PDE4D: variants seen among roughly 807,000 people sequenced by gnomAD.
PDE4D encodes the protein 3',5'-cyclic-AMP phosphodiesterase 4D.
Under a neutral mutation model 87.4 loss-of-function variants are expected in PDE4D, and 24 were observed. The observed-to-expected ratio is 0.27, with a 90% CI of 0.20 to 0.39. The LOEUF is 0.39. PDE4D is among the 10% of genes least tolerant of loss of function. The pLI is 1.00. For synonymous variants in PDE4D, 384 were observed against 383.2 expected (o/e 1.00, Z -0.02); for missense variants, 714 against 1,041.0 (o/e 0.69, Z 4.32).
intron 1 of PDE4D, among the ~76,000 whole-genome samples, chr5:59,704,996 T>A (rs745420296): frequency 5.7e-4 from 87 of 152,186 alleles, no homozygotes; most frequent in Middle Eastern, 3.2e-3. Context: ...AGCCTTCCCT[T>A]ATTTACAAAA....
At chr5:59,053,357 GTACA>G (rs1167700433) in intron 5 of PDE4D, among the ~76,000 whole-genome samples, 8 of 117,592 alleles carry the variant, frequency 6.8e-5, no homozygotes, top group Non-Finnish European at 1.2e-4. Flanking sequence ...CATAATGGGT[GTACA>G]TACACACACA....
intron 1 of PDE4D, among the ~76,000 whole-genome samples, chr5:59,287,288 G>A (rs567632710): frequency 6.6e-6 from 1 of 152,266 alleles, no homozygotes; most frequent in East Asian, 1.9e-4. Flanking sequence ...ACTTGTCGCA[G>A]GCCTGGGGCA....
intron 5 of PDE4D, among the ~76,000 whole-genome samples, chr5:59,093,701 T>TTG (rs202014501): frequency 6.6e-6 from 1 of 152,152 alleles, no homozygotes. Flanking sequence ...TTGCTTTGTT[T>TTG]TGTGTGTGTG....
chr5:60,479,309 G>A (rs27220), intron 1 of PDE4D, among the ~76,000 whole-genome samples: 66,968 of 152,052 alleles, frequency 0.44, 16,103 homozygotes, highest in African/African-American at 0.63. Flanking sequence ...ATCATGTTAT[G>A]TACTGATCAC....
intron 1 of PDE4D, among the ~76,000 whole-genome samples, chr5:60,300,147 C>T (rs1360442747): frequency 6.6e-6 from 1 of 152,014 alleles, no homozygotes; most frequent in African/African-American, 2.4e-5. Flanking sequence ...TCTCTAATGA[C>T]GTGATGCTGA....
chr5:59,490,861 C>T (rs1022576484), intron 1 of PDE4D, among the ~76,000 whole-genome samples: 1 of 152,176 alleles, frequency 6.6e-6, no homozygotes, highest in Admixed American at 6.5e-5. Context: ...AAACTCTAGG[C>T]AATGTATCTC....
chr5:59,701,375 TTAATC>T (rs1202954233), intron 1 of PDE4D, among the ~76,000 whole-genome samples: 1 of 152,172 alleles, frequency 6.6e-6, no homozygotes, highest in Non-Finnish European at 1.5e-5. Context: ...TTGAACTACT[TTAATC>T]TAAATTCCCT....
chr5:59,545,979 G>A (rs926519241), intron 1 of PDE4D, among the ~76,000 whole-genome samples: 18 of 152,004 alleles, frequency 1.2e-4, no homozygotes, highest in African/African-American at 4.3e-4. Flanking sequence ...CCACCCCTTC[G>A]TATTCCACTT....
chr5:59,284,790 T>C (rs1405367570), intron 1 of PDE4D, among the ~76,000 whole-genome samples: 4 of 67,106 alleles, frequency 6.0e-5, no homozygotes, highest in Non-Finnish European at 9.0e-5. Context: ...TTATTCACAA[T>C]AGCAAAGACT....
In PDE4D at chr5:58,974,077, T is replaced by G. The variant is rs1285305387; in HGVS notation, c.*587A>C. 1.3e-5 allele frequency: 2 copies of G among 152,690 alleles called. No homozygotes were observed. The highest frequency in any genetic ancestry group is 6.5e-5 in the Admixed American group (1 of 15,282). 9.5% of individuals were successfully genotyped at this position (152,690 alleles called of 1,614,324 possible). A position where few individuals can be genotyped will look rare whatever the true frequency, so the allele number is the denominator to read the frequency against. On this transcript the variant is annotated 3_prime_UTR_variant, in exon 15 of 15. Transcript: ENST00000340635. ...AATACATTTAATAATAAAAGTAAGCTCTACAAAAAATCTGTTTTACATATC... is the reference window on the plus strand; with the variant it reads ...AATACATTTAATAATAAAAGTAAGCGCTACAAAAAATCTGTTTTACATATC...
chr5:59,867,307 A>G (rs1016109503), intron 1 of PDE4D, among the ~76,000 whole-genome samples: 54 of 152,292 alleles, frequency 3.5e-4, no homozygotes, highest in African/African-American at 1.3e-3. Context: ...ATGAGCTTCA[A>G]TGAAAAAGAG....
chr5:59,676,146 T>G (rs1483116176), intron 1 of PDE4D, among the ~76,000 whole-genome samples: 1 of 152,088 alleles, frequency 6.6e-6, no homozygotes, highest in Non-Finnish European at 1.5e-5. Flanking sequence ...TGCACTTTTG[T>G]GAAATAGAAT....
chr5:60,288,996 A>G (rs925120885), intron 1 of PDE4D, among the ~76,000 whole-genome samples: 1 of 152,216 alleles, frequency 6.6e-6, no homozygotes, highest in Admixed American at 6.5e-5. Context: ...AAGAAAACAC[A>G]GAAGGAACAT....
chr5:60,136,286 T>TAGA (rs1224003853), intron 2 of PDE4D, among the ~76,000 whole-genome samples: 2 of 151,786 alleles, frequency 1.3e-5, no homozygotes, highest in African/African-American at 4.8e-5. Context: ...TCTTTCCTGT[T>TAGA]AGATTGTGTC....
intron 5 of PDE4D, among the ~76,000 whole-genome samples, chr5:59,090,807 C>CTTTT (rs61610340): frequency 3.2e-4 from 34 of 105,946 alleles, no homozygotes; most frequent in African/African-American, 6.2e-4. Context: ...TTTTCTTTTT[C>CTTTT]TTTTTTTTTT....
At chr5:59,832,396 C>T (rs558163058) in intron 1 of PDE4D, among the ~76,000 whole-genome samples, 2 of 152,138 alleles carry the variant, frequency 1.3e-5, no homozygotes, top group Non-Finnish European at 2.9e-5. Flanking sequence ...GAAAATGAGT[C>T]GTGATCAAAA....
intron 1 of PDE4D, among the ~76,000 whole-genome samples, chr5:60,293,988 G>A (rs552353005): frequency 6.6e-6 from 1 of 152,280 alleles, no homozygotes; most frequent in Admixed American, 6.5e-5. Flanking sequence ...GTAGGTGAAA[G>A]TAACATTTTA....
Position 59,039,566 on chromosome 5 carries a change from C to T in PDE4D, c.809-595G>A, listed in dbSNP as rs1759258066. 4.1e-6 allele frequency: 4 copies of T among 967,896 alleles called. No individual in the cohort carries two copies. In the Admixed American group the frequency reaches 1.8e-4, roughly 45 times the overall value. The allele number at this position is 967,896 out of a possible 1,614,324, so 60.0% of individuals were successfully genotyped here. ...GGCGGCAGGCGCAGCGCGGCTCCAA[C>T]GCCGCAGCTTTCCGGGAACACTCCC... is the stretch of plus-strand genomic sequence containing the variant. On this transcript the variant is annotated intron_variant, in intron 5 of 14. Transcript: ENST00000340635.
intron 3 of PDE4D, among the ~76,000 whole-genome samples, chr5:59,926,793 T>C (rs995727307): frequency 6.6e-6 from 1 of 152,278 alleles, no homozygotes; most frequent in East Asian, 1.9e-4. Flanking sequence ...AATAAATTCC[T>C]AGACACATAC....
Sources: gnomAD v4.1 joint callset for allele counts (sites outside exome capture counted in the v4.1 genomes callset) on GRCh38, gnomAD v4.1.1 for gene constraint, MANE v1.5 for transcripts, NCBI Gene and HGNC (gene_info 2026-07-23, HGNC 2026-07-21) for gene names.